Variants in MCTP1 observed in about 807,000 individuals in gnomAD.
MCTP1 encodes the protein multiple C2 and transmembrane domain containing 1, also known as multiple C2 and transmembrane domain-containing protein 1.
In MCTP1, 69 loss-of-function variants were observed where a neutral mutation model predicts 120.6. That is an observed-to-expected ratio of 0.57 (90% CI 0.47 to 0.70). The LOEUF (loss-of-function observed/expected upper bound fraction) is 0.70. MCTP1 is among the 30% of genes least tolerant of loss of function. The probability of loss-of-function intolerance (pLI) is 0.00; values close to 1 mark genes in which losing one functional copy is unlikely to be tolerated. For missense variants in MCTP1, 1,203 were observed against 1,248.8 expected, an observed-to-expected ratio of 0.96 and a Z score of 0.55; for synonymous variants, 529 against 493.1, an observed-to-expected ratio of 1.07 and a Z score of -0.96.
At chr5:94,774,889 C>G (rs1033880384) in intron 19 of MCTP1, among the ~76,000 whole-genome samples, 1 of 152,128 alleles carries the variant, frequency 6.6e-6, no homozygotes, top group Non-Finnish European at 1.5e-5. Context: ...CTAGAAAATG[C>G]CATTTTGTCA....
chr5:95,092,445 T>C (rs778714666), intron 1 of MCTP1, among the ~76,000 whole-genome samples: 3 of 152,236 alleles, frequency 2.0e-5, no homozygotes, highest in African/African-American at 7.2e-5. Flanking sequence ...TACTACGTTC[T>C]AGTATTCTGT....
chr5:94,711,139 C>T (rs768685601), intron 20 of MCTP1, among the ~76,000 whole-genome samples: 2 of 152,114 alleles, frequency 1.3e-5, no homozygotes, highest in African/African-American at 4.8e-5. Flanking sequence ...CTGCCACCTC[C>T]TCCAGATTGT....
intron 12 of MCTP1, among the ~76,000 whole-genome samples, chr5:94,886,480 C>G (rs1646680232): frequency 6.6e-6 from 1 of 152,038 alleles, no homozygotes; most frequent in African/African-American, 2.4e-5. Flanking sequence ...AAAAACAGAG[C>G]CAAGTTGTTC....
intron 1 of MCTP1, among the ~76,000 whole-genome samples, chr5:95,116,211 G>A (rs928301179): frequency 6.6e-6 from 1 of 152,154 alleles, no homozygotes; most frequent in African/African-American, 2.4e-5. Context: ...GAAATCATCT[G>A]AAGCTATAAA....
chr5:95,111,718 T>A (rs1196692095), intron 1 of MCTP1, among the ~76,000 whole-genome samples: 1 of 152,202 alleles, frequency 6.6e-6, no homozygotes, highest in African/African-American at 2.4e-5. Flanking sequence ...GAATTGAACA[T>A]GACAAGTCAG....
chr5:94,791,997 G>A (rs1390375650), intron 18 of MCTP1: 1 of 152,402 alleles, frequency 6.6e-6, no homozygotes, highest in Non-Finnish European at 1.5e-5. Flanking sequence ...GACCATCCCA[G>A]GATGATGCAC....
chr5:94,894,865 G>A, intron 10 of MCTP1, 30 bp from the exon 11 acceptor site: 9 of 1,298,830 alleles, frequency 6.9e-6, no homozygotes, highest in Non-Finnish European at 8.0e-6. Flanking sequence ...ATCAGCAAGT[G>A]GCTTTTTTTT....
chr5:95,149,084 T>C (rs1760664481), intron 1 of MCTP1, among the ~76,000 whole-genome samples: 1 of 152,176 alleles, frequency 6.6e-6, no homozygotes, highest in Admixed American at 6.5e-5. Context: ...GCTCTGTGGT[T>C]GGAAAGAGAG....
At chr5:94,732,269 T>C (rs1763263258) in intron 19 of MCTP1, among the ~76,000 whole-genome samples, 1 of 152,220 alleles carries the variant, frequency 6.6e-6, no homozygotes. Flanking sequence ...AAGGATGTCT[T>C]TGAATGTGAC....
rs1185847568 is a variant in MCTP1, at chr5:94,706,588, T to C, written c.*908A>G. On this transcript the variant is annotated 3_prime_UTR_variant, in exon 23 of 23. Coordinates refer to ENST00000515393, the MANE Select transcript of MCTP1 (RefSeq NM_024717.7). Reference sequence around the variant, plus strand: ...CTAATGAGAAAGCAGGTTTTTTTTTTCTCTGAGAGCACTTGAGTATTTATT... The same window carrying C: ...CTAATGAGAAAGCAGGTTTTTTTTTCCTCTGAGAGCACTTGAGTATTTATT... 2 of 151,318 alleles carry C rather than the reference T, an allele frequency of 1.3e-5. No individual in the cohort carries two copies. The highest frequency in any genetic ancestry group is 3.0e-5 in the Non-Finnish European group (2 of 67,716). 9.4% of individuals were successfully genotyped at this position (151,318 alleles called of 1,614,324 possible).
At chr5:94,932,971 G>A (rs1374765399) in intron 5 of MCTP1, among the ~76,000 whole-genome samples, 1 of 151,898 alleles carries the variant, frequency 6.6e-6, no homozygotes, top group Non-Finnish European at 1.5e-5. Context: ...TTTAATATAA[G>A]ATGAGGGCAA....
chr5:94,963,418 C>T (rs1824809330), intron 2 of MCTP1, among the ~76,000 whole-genome samples: 1 of 150,172 alleles, frequency 6.7e-6, no homozygotes, highest in South Asian at 2.1e-4. Context: ...ATTTAGATTC[C>T]CATTAACAGT....
chr5:95,160,748 C>T (rs1230275425), intron 1 of MCTP1, among the ~76,000 whole-genome samples: 1 of 151,808 alleles, frequency 6.6e-6, no homozygotes, highest in African/African-American at 2.4e-5. Context: ...ACTCAAATAA[C>T]TCAATAGCAA....
At chr5:95,231,528 A>G (rs1754944056) in intron 1 of MCTP1, among the ~76,000 whole-genome samples, 1 of 152,178 alleles carries the variant, frequency 6.6e-6, no homozygotes. Flanking sequence ...AAAAAATAAG[A>G]AATATACAAA....
chr5:95,234,562 T>C (rs1291593327), intron 1 of MCTP1, among the ~76,000 whole-genome samples: 1 of 152,202 alleles, frequency 6.6e-6, no homozygotes, highest in African/African-American at 2.4e-5. Context: ...AACGCAGTTA[T>C]TGCTGTGAGT....
intron 17 of MCTP1, among the ~76,000 whole-genome samples, chr5:94,859,884 T>C (rs568600): frequency 0.77 from 115,997 of 151,492 alleles, 45,025 homozygotes; most frequent in Non-Finnish European, 0.83. Context: ...AAGGGGAGTA[T>C]TGTTTAATTT....
chr5:94,939,032 T>C (rs1816898456), intron 5 of MCTP1, among the ~76,000 whole-genome samples: 1 of 152,102 alleles, frequency 6.6e-6, no homozygotes. Flanking sequence ...CCTCAGTGAA[T>C]GAAGTATGGA....
chr5:94,985,252 T>C (rs1830245404), intron 2 of MCTP1, among the ~76,000 whole-genome samples: 1 of 152,224 alleles, frequency 6.6e-6, no homozygotes, highest in South Asian at 2.1e-4. Context: ...GCCAGTAAGA[T>C]AATTTAATTG....
At chr5:95,019,742 G>A (rs1374443676) in intron 1 of MCTP1, among the ~76,000 whole-genome samples, 1 of 151,994 alleles carries the variant, frequency 6.6e-6, no homozygotes, top group African/African-American at 2.4e-5. Flanking sequence ...CACAAAACAT[G>A]TTATCTTCCT....
Sources: allele counts gnomAD v4.1 joint callset (sites outside exome capture counted in the v4.1 genomes callset), GRCh38; gene constraint gnomAD v4.1.1; transcripts MANE v1.5; gene names NCBI Gene and HGNC (gene_info 2026-07-23, HGNC 2026-07-21).